The following NOTCH1 variants were observed in gnomAD, a reference collection of about 807,000 sequenced individuals.
The protein encoded by NOTCH1 is notch receptor 1.
Under a neutral mutation model 254.8 loss-of-function variants are expected in NOTCH1, and 37 were observed. The observed-to-expected ratio is 0.15, with a 90% CI of 0.11 to 0.19. NOTCH1 has a LOEUF of 0.19. NOTCH1 is among the 10% of genes least tolerant of loss of function. The pLI is 1.00. For missense variants in NOTCH1, 2,972 were observed against 3,708.6 expected (o/e 0.80, Z 5.16); for synonymous variants, 1,731 against 1,618.1 (o/e 1.07, Z -1.68).
rs1843056637 is a variant in NOTCH1 at position 136,504,977 on chromosome 9, C to T, written c.4714G>A (p.Gly1572Ser). ...ATCAGCACCACCACCACCAGCGTGC[C>T]GGCCGCCAGCCTCTCGGGTACATGC... ...AEHVPERLAAGTLVVVVLMPP... is the reference protein window; with the variant it reads ...AEHVPERLAASTLVVVVLMPP... The change falls in exon 26 of 34, where the codon GGC (glycine) becomes AGC (serine). Residue 1572 changes from glycine to serine, a missense_variant. Physicochemically the swap from Gly to Ser is moderately conservative, Grantham distance 56 (BLOSUM62 0). Transcript: ENST00000651671. The T allele has an allele frequency of 6.3e-7, 1 of 1,588,470 alleles. No homozygotes were observed. The highest frequency in any genetic ancestry group is 8.5e-7 in the Non-Finnish European group (1 of 1,169,832).
chr9:136,507,384 G>C lies in NOTCH1; in HGVS notation c.3564C>G (p.Leu1188=). Reference sequence around the variant, plus strand: ...TGCCCCCGTTCTGGCAGGGGTGGGAGAGGCACTCGTCGATCTCCTCAGAGC... The same window carrying C: ...TGCCCCCGTTCTGGCAGGGGTGGGACAGGCACTCGTCGATCTCCTCAGAGC... ...VNCSEEIDEC[L]SHPCQNGGTC... The change falls in exon 22 of 34, where the codon CTC becomes CTG. Residue 1188 remains leucine, a synonymous_variant. Transcript: ENST00000651671. The C allele has an allele frequency of 6.2e-7, 1 of 1,612,194 alleles. No individual in the cohort carries two copies. Among genetic ancestry groups the C allele is most frequent in the Non-Finnish European group, 8.5e-7 (1 of 1,179,682 alleles).
In NOTCH1 at chr9:136,506,662, G is replaced by T. The variant is rs1385796785; in HGVS notation, c.3902-23C>A. On this transcript the variant is annotated intron_variant, in intron 23 of 33. Coordinates refer to ENST00000651671, the MANE Select transcript of NOTCH1 (RefSeq NM_017617.5). The surrounding 1 kb of genome is among the most constrained non-coding windows in gnomAD (Gnocchi z 4.5). ...GCCCTAGGGGTAAGAGCAGGGCAGT[G>T]AGAGGCTCACCCTGCTGCCCCACAC... is the stretch of plus-strand genomic sequence containing the variant. 6.2e-7 allele frequency: 1 copy of T among 1,600,082 alleles called. No individual in the cohort carries two copies. Among genetic ancestry groups the T allele is most frequent in the Non-Finnish European group, 8.5e-7 (1 of 1,174,176 alleles).
chr9:136,514,526 G>T lies in NOTCH1; in HGVS notation c.2191C>A (p.Arg731=). The T allele has an allele frequency of 6.3e-7, 1 of 1,587,972 alleles. No homozygotes were observed. The highest frequency in any genetic ancestry group is 8.6e-7 in the Non-Finnish European group (1 of 1,168,442). Residue 731 remains arginine (R), a synonymous_variant, in exon 13 of 34, where the codon CGG becomes AGG. Transcript: ENST00000651671. ...GCCGCATACCCGTTGAGGCTGTCCC[G>T]GCAGGCCCCGTGGACGCAGGGGTTG... ...NSNPCVHGAC[R]DSLNGYKCDC... is the part of the protein sequence containing the mutation.
chr9:136,496,882 A>T lies in NOTCH1; in HGVS notation c.6857T>A (p.Leu2286Gln), dbSNP rs916561985. The change falls in exon 34 of 34, where the codon CTG becomes CAG. Residue 2286 changes from leucine to glutamine, a missense_variant. By Grantham distance (113) the Leu-to-Gln change is moderately radical (BLOSUM62 -2). Around this residue, in one of 8 missense-constraint regions of NOTCH1, gnomAD observed 529 missense variants for 529.2 expected, o/e 1.00. Coordinates refer to ENST00000651671, the MANE Select transcript of NOTCH1 (RefSeq NM_017617.5). Reference sequence around the variant, plus strand: ...CAGGGCCCCTCCGCTGCTGGAGCCCAGGACGGTGCTGGTGCCAGAGGCCAC... The same window carrying T: ...CAGGGCCCCTCCGCTGCTGGAGCCCTGGACGGTGCTGGTGCCAGAGGCCAC... ...LPVASGTSTVLGSSSGGALNF... is the reference protein window; with the variant it reads ...LPVASGTSTVQGSSSGGALNF... 4.3e-6 allele frequency: 7 copies of T among 1,612,768 alleles called. No homozygotes were observed. The African/African-American group carries it at 9.3e-5, about 22-fold the overall frequency.
intron 2 of NOTCH1, among the ~76,000 whole-genome samples, chr9:136,530,240 T>A (rs552226550): frequency 6.6e-6 from 1 of 152,310 alleles, no homozygotes; most frequent in African/African-American, 2.4e-5. Flanking sequence ...CCCCAGCTCT[T>A]TTGTCTGCAA....
At chr9:136,517,136 G>A (rs1327447623) in intron 9 of NOTCH1, 136 bp downstream of exon 9, 12 of 600,776 alleles carry the variant, frequency 2.0e-5, no homozygotes, top group Non-Finnish European at 2.9e-5. Context: ...GAGGGCAGGG[G>A]GTGGGGGCGG....
intron 21 of NOTCH1, 141 bp downstream of exon 21, chr9:136,507,814 C>T (rs1843112783): frequency 2.2e-6 from 2 of 905,932 alleles, no homozygotes; most frequent in Non-Finnish European, 1.7e-6. Context: ...ACCCTGATTA[C>T]CCCAGCCCTC....
At position 136,504,789 on chromosome 9, in the gene NOTCH1, G is replaced by T; in HGVS notation, c.4902C>A (p.Ala1634=). ...CGTCAGGTGCGGCCCAGCCCTCGGC[G>T]GCACGCTTGATGGGGTGCTTGCGCA... The part of the protein sequence containing the change: ...EELRKHPIKR[A]AEGWAAPDAL... The change falls in exon 26 of 34, where the codon GCC becomes GCA. Residue 1634 remains alanine (A), a synonymous_variant. Coordinates refer to ENST00000651671, the MANE Select transcript of NOTCH1 (RefSeq NM_017617.5). The T allele has an allele frequency of 6.4e-7, 1 of 1,555,342 alleles. No homozygotes were observed. Among genetic ancestry groups the T allele is most frequent in the Non-Finnish European group, 8.7e-7 (1 of 1,150,030 alleles).
At chr9:136,538,034 T>C (rs999303230) in intron 2 of NOTCH1, among the ~76,000 whole-genome samples, 2 of 152,108 alleles carry the variant, frequency 1.3e-5, no homozygotes, top group African/African-American at 4.8e-5. Context: ...GAGCCAAGAC[T>C]GCGTCACTCT....
chr9:136,544,167 A>G (rs1843776447), intron 1 of NOTCH1, 65 bp from the exon 2 acceptor site: 2 of 1,465,000 alleles, frequency 1.4e-6, no homozygotes, highest in African/African-American at 2.8e-5. Context: ...GGCCCTGGTT[A>G]CCCTGGGGGC....
At chr9:136,536,502 AC>A (rs1373671257) in intron 2 of NOTCH1, among the ~76,000 whole-genome samples, 1 of 152,106 alleles carries the variant, frequency 6.6e-6, no homozygotes, top group African/African-American at 2.4e-5. Context: ...GAGCAGGCAG[AC>A]TGGGCGGGTG....
At position 136,496,700 on chromosome 9, in the gene NOTCH1, C is replaced by G; in HGVS notation, c.7039G>C (p.Val2347Leu). ...GCAAGGCTACTGTGCAGCGGGCCTA[C>G]CATGCCATGCTGCAGGGAGGGGGCC... ...TQAPSLQHGM[V>L]GPLHSSLAAS... The change falls in exon 34 of 34, where the codon GTA (valine) becomes CTA (leucine). Residue 2347 changes from valine to leucine, a missense_variant. By Grantham distance (32) the Val-to-Leu change is conservative (BLOSUM62 1). Around this residue, in one of 8 missense-constraint regions of NOTCH1, gnomAD observed 529 missense variants for 529.2 expected, o/e 1.00. Transcript: ENST00000651671. The G allele has an allele frequency of 6.2e-7, 1 of 1,612,852 alleles. No individual in the cohort carries two copies. The highest frequency in any genetic ancestry group is 8.5e-7 in the Non-Finnish European group (1 of 1,179,968).
At chr9:136,529,964 G>A (rs1157045503) in intron 2 of NOTCH1, among the ~76,000 whole-genome samples, 2 of 152,378 alleles carry the variant, frequency 1.3e-5, no homozygotes, top group South Asian at 2.1e-4. Flanking sequence ...GCCTGCAGCC[G>A]TTGGGCTGGA....
In NOTCH1 at chr9:136,544,043, T is replaced by C; in HGVS notation, c.121A>G (p.Asn41Asp). ...CLNGGKCEAA[N>D]GTEACVCGGA... is the part of the protein sequence containing the mutation. ...ACTCACACGCAGGCCTCCGTGCCAT[T>C]GGCCGCTTCACACTTCCCGCCATTC... is the stretch of plus-strand genomic sequence containing the variant. The change falls in exon 2 of 34, where the codon AAT becomes GAT. Residue 41 changes from asparagine to aspartate, a missense_variant. Physicochemically the swap from Asn to Asp is conservative, Grantham distance 23. Coordinates refer to ENST00000651671, the MANE Select transcript of NOTCH1 (RefSeq NM_017617.5). 6.3e-7 allele frequency: 1 copy of C among 1,575,440 alleles called. No homozygotes were observed. The highest frequency in any genetic ancestry group is 8.6e-7 in the Non-Finnish European group (1 of 1,161,414).
In NOTCH1 at chr9:136,517,813, C is replaced by T. The variant is rs368963607; in HGVS notation, c.1380G>A (p.Pro460=). Residue 460 remains proline (P), a synonymous_variant, in exon 8 of 34, where the codon CCG becomes CCA. Transcript: ENST00000651671. ...CCAGGCAGGTGGCGTCGTTCTGGCA[C>T]GGGTTCGAGACGCACTCGTTGACGT... ...EIDVNECVSN[P]CQNDATCLDQ... is the part of the protein sequence containing the mutation. 32 of 1,612,610 alleles carry T rather than the reference C, an allele frequency of 2.0e-5. No homozygotes were observed. The highest frequency in any genetic ancestry group is 3.3e-5 in the South Asian group (3 of 91,094).
chr9:136,527,706 G>A (rs756955495), intron 2 of NOTCH1, among the ~76,000 whole-genome samples: 1 of 152,172 alleles, frequency 6.6e-6, no homozygotes, highest in East Asian at 1.9e-4. Flanking sequence ...CTCCCCTTCC[G>A]TGCGTCCCTC....
chr9:136,495,976 A>G lies in NOTCH1; in HGVS notation c.*95T>C. The G allele has an allele frequency of 7.5e-7, 1 of 1,329,206 alleles. No individual in the cohort carries two copies. The highest frequency in any genetic ancestry group is 1.4e-5 in the South Asian group (1 of 73,434). 82.3% of individuals were successfully genotyped at this position (1,329,206 alleles called of 1,614,324 possible). On this transcript the variant is annotated 3_prime_UTR_variant, in exon 34 of 34. Transcript: ENST00000651671. ...TATTTTGTATAAAAACATGTGTTTTAAAAAGGCTCCTCTGGTCGGCCCTGG... is the reference window on the plus strand; with the variant it reads ...TATTTTGTATAAAAACATGTGTTTTGAAAAGGCTCCTCTGGTCGGCCCTGG...
intron 9 of NOTCH1, among the ~76,000 whole-genome samples, chr9:136,516,505 T>C (rs1843274557): frequency 6.6e-6 from 1 of 152,094 alleles, no homozygotes; most frequent in African/African-American, 2.4e-5. Flanking sequence ...CCCAGGCCCC[T>C]GAGAGTTCCT....
chr9:136,541,600 G>A (rs1243147269), intron 2 of NOTCH1, among the ~76,000 whole-genome samples: 1 of 152,090 alleles, frequency 6.6e-6, no homozygotes, highest in Non-Finnish European at 1.5e-5. Context: ...GCTAACTCCT[G>A]GACAGACCTC....
Sources: gnomAD v4.1 joint callset for allele counts (sites outside exome capture counted in the v4.1 genomes callset) on GRCh38, gnomAD v4.1.1 for gene constraint, gnomAD v4.1.1 regional missense constraint, Gnocchi (gnomAD v3.1) non-coding constraint, MANE v1.5 for transcripts, NCBI Gene and HGNC (gene_info 2026-07-23, HGNC 2026-07-21) for gene names.